The following PRKG2 variants were observed in gnomAD, a reference collection of about 807,000 sequenced individuals.
PRKG2 encodes protein kinase cGMP-dependent 2, also known as cGMP-dependent protein kinase 2.
In PRKG2, 33 loss-of-function variants were observed where a neutral mutation model predicts 97.2. The ratio of observed to expected loss-of-function variants is 0.34; its 90% confidence interval spans 0.26 to 0.45. PRKG2 has a LOEUF of 0.45. Ranked by LOEUF, PRKG2 falls within the 20% of genes least tolerant of loss-of-function variation. The probability of loss-of-function intolerance (pLI) is 1.00; values close to 1 mark genes in which losing one functional copy is unlikely to be tolerated. For synonymous variants in PRKG2, 330 were observed against 321.8 expected (o/e 1.03, Z -0.27); for missense variants, 638 against 900.0 (o/e 0.71, Z 3.73).
intron 2 of PRKG2, among the ~76,000 whole-genome samples, chr4:81,198,964 T>C (rs1251378232): frequency 1.3e-5 from 2 of 152,174 alleles, no homozygotes; most frequent in Admixed American, 6.5e-5. Flanking sequence ...TGGTATCAGA[T>C]CACCACAAAA....
At chr4:81,166,738 C>A (rs910762978) in intron 6 of PRKG2, among the ~76,000 whole-genome samples, 8 of 152,056 alleles carry the variant, frequency 5.3e-5, no homozygotes, top group African/African-American at 1.9e-4. Context: ...CAGCCTGACT[C>A]AGAGGCTTGC....
chr4:81,194,688 C>A (rs769250063), intron 2 of PRKG2, among the ~76,000 whole-genome samples: 24 of 152,132 alleles, frequency 1.6e-4, no homozygotes, highest in Non-Finnish European at 2.5e-4. Flanking sequence ...TGAAAACAAT[C>A]AAAACTTACA....
At chr4:81,096,029 C>A (rs1742077851) in intron 17 of PRKG2, among the ~76,000 whole-genome samples, 1 of 152,110 alleles carries the variant, frequency 6.6e-6, no homozygotes, top group Admixed American at 6.6e-5. Context: ...GAATCATAGT[C>A]TTTTTGCTAT....
intron 14 of PRKG2, among the ~76,000 whole-genome samples, chr4:81,133,634 T>C (rs754701728): frequency 1.8e-4 from 28 of 152,160 alleles, no homozygotes; most frequent in Non-Finnish European, 3.1e-4. Context: ...GATTTCAAGG[T>C]ACATAGTTTA....
intron 14 of PRKG2, among the ~76,000 whole-genome samples, chr4:81,116,826 G>A (rs1475239710): frequency 6.6e-6 from 1 of 151,744 alleles, no homozygotes; most frequent in Non-Finnish European, 1.5e-5. Flanking sequence ...TCTTTGAGAC[G>A]TGTCTGTTCA....
At chr4:81,125,129 T>C (rs1745428986) in intron 14 of PRKG2, among the ~76,000 whole-genome samples, 1 of 152,214 alleles carries the variant, frequency 6.6e-6, no homozygotes, top group Admixed American at 6.5e-5. Flanking sequence ...GGGTCAATCA[T>C]ATGCTATTTA....
intron 2 of PRKG2, among the ~76,000 whole-genome samples, chr4:81,179,290 A>G (rs1751201983): frequency 7.5e-6 from 1 of 133,792 alleles, no homozygotes; most frequent in African/African-American, 3.8e-5. Context: ...ATACAATGAG[A>G]AAACTCTAAA....
chr4:81,181,791 T>C (rs999685103), intron 2 of PRKG2, among the ~76,000 whole-genome samples: 3 of 151,950 alleles, frequency 2.0e-5, no homozygotes, highest in Non-Finnish European at 2.9e-5. Context: ...GTTCATACTA[T>C]GTAGTCCAGC....
intron 14 of PRKG2, among the ~76,000 whole-genome samples, chr4:81,122,619 T>TC (rs1307431538): frequency 6.6e-6 from 1 of 152,178 alleles, no homozygotes. Flanking sequence ...GCCTTTTTTT[T>TC]CCTGGGCTTT....
Position 81,205,005 on chromosome 4 carries a change from C to T in PRKG2, c.43G>A (p.Asp15Asn), listed in dbSNP as rs754590954. The change falls in exon 2 of 19, where the codon GAT becomes AAT. Residue 15 changes from aspartate (D) to asparagine (N), a missense_variant. Physicochemically the swap from Asp to Asn is conservative, Grantham distance 23. Transcript: ENST00000264399. ...SVKPKHSKHP[D>N]GHSGNLTTDA... ...GTGGTGAGGTTCCCAGAGTGTCCAT[C>T]TGGGTGCTTAGAATGTTTAGGTTTC... is the stretch of plus-strand genomic sequence containing the variant. 2 of 1,613,392 alleles carry T rather than the reference C, an allele frequency of 1.2e-6. No homozygotes were observed. Among genetic ancestry groups the T allele is most frequent in the Admixed American group, 3.3e-5 (2 of 59,922 alleles).
chr4:81,143,036 A>C (rs542774166), intron 10 of PRKG2, 89 bp from the exon 11 acceptor site: 1 of 1,408,976 alleles, frequency 7.1e-7, no homozygotes, highest in African/African-American at 1.4e-5. Flanking sequence ...ACGACAGTCT[A>C]ATTTCTGCTG....
chr4:81,140,723 C>T, intron 11 of PRKG2, 54 bp from the exon 12 acceptor site: 1 of 1,471,828 alleles, frequency 6.8e-7, no homozygotes, highest in Non-Finnish European at 9.4e-7. Context: ...ATATAAAACA[C>T]ACTAATCAAT....
chr4:81,193,621 C>T (rs904554076), intron 2 of PRKG2, among the ~76,000 whole-genome samples: 7 of 152,084 alleles, frequency 4.6e-5, no homozygotes, highest in Admixed American at 2.0e-4. Context: ...GGGCAGATCA[C>T]CTGAGGTCAG....
At chr4:81,189,432 T>TA (rs1258859499) in intron 2 of PRKG2, among the ~76,000 whole-genome samples, 2 of 136,544 alleles carry the variant, frequency 1.5e-5, no homozygotes, top group Admixed American at 6.8e-5. Flanking sequence ...TATGCAGCCA[T>TA]AAAAAATGAT....
intron 9 of PRKG2, among the ~76,000 whole-genome samples, chr4:81,144,858 T>C (rs998922518): frequency 3.4e-5 from 5 of 148,448 alleles, no homozygotes; most frequent in African/African-American, 1.2e-4. Flanking sequence ...ACATGCAGCG[T>C]TTGGTTTTTT....
chr4:81,205,088 C>G, intron 1 of PRKG2, 28 bp from the exon 2 acceptor site: 1 of 1,446,536 alleles, frequency 6.9e-7, no homozygotes, highest in Non-Finnish European at 9.4e-7. Flanking sequence ...TGGGAAGTAT[C>G]AAGTGGAGTT....
intron 6 of PRKG2, among the ~76,000 whole-genome samples, chr4:81,163,536 C>T (rs536736663): frequency 6.6e-6 from 1 of 152,236 alleles, no homozygotes; most frequent in Admixed American, 6.5e-5. Flanking sequence ...AATACTTATA[C>T]TTACTATTCT....
At chr4:81,158,165 G>A (rs1444001641) in intron 6 of PRKG2, among the ~76,000 whole-genome samples, 1 of 145,472 alleles carries the variant, frequency 6.9e-6, no homozygotes, top group Non-Finnish European at 1.5e-5. Context: ...CGATATGATT[G>A]TATATCTAGA....
chr4:81,206,143 CTTGAATGTG>C (rs1753633930), intron 1 of PRKG2, among the ~76,000 whole-genome samples: 2 of 152,134 alleles, frequency 1.3e-5, no homozygotes, highest in African/African-American at 4.8e-5. Context: ...AAAAGTAGAA[CTTGAATGTG>C]TGAACTTTGG....
Sources: gnomAD v4.1 joint callset for allele counts (sites outside exome capture counted in the v4.1 genomes callset) on GRCh38, gnomAD v4.1.1 for gene constraint, MANE v1.5 for transcripts, NCBI Gene and HGNC (gene_info 2026-07-23, HGNC 2026-07-21) for gene names.